Variants in RAD54B observed in about 807,000 individuals in gnomAD.
RAD54B encodes DNA repair and recombination protein RAD54B.
In RAD54B, 78 loss-of-function variants were observed where a neutral mutation model predicts 95.8. The ratio of observed to expected loss-of-function variants is 0.81; its 90% confidence interval spans 0.68 to 0.98. The LOEUF (loss-of-function observed/expected upper bound fraction) is 0.98. RAD54B is among the 50% of genes least tolerant of loss of function. The pLI is 0.00. For synonymous variants in RAD54B, 328 were observed against 354.9 expected, an observed-to-expected ratio of 0.92 and a Z score of 0.85; for missense variants, 957 against 1,056.6, an observed-to-expected ratio of 0.91 and a Z score of 1.31.
At chr8:94,451,878 T>C (rs2130162759) in intron 3 of RAD54B, among the ~76,000 whole-genome samples, 1 of 152,304 alleles carries the variant, frequency 6.6e-6, no homozygotes, top group Admixed American at 6.5e-5. Flanking sequence ...AAAAAAAGTT[T>C]ATTCATTTTT....
chr8:94,470,881 A>G (rs1219486048), intron 1 of RAD54B, among the ~76,000 whole-genome samples: 1 of 151,806 alleles, frequency 6.6e-6, no homozygotes, highest in East Asian at 1.9e-4. Context: ...ACAACAGAAC[A>G]CTCTCTTCAT....
chr8:94,442,386 C>T (rs1406476514), intron 3 of RAD54B, among the ~76,000 whole-genome samples: 1 of 152,054 alleles, frequency 6.6e-6, no homozygotes, highest in African/African-American at 2.4e-5. Flanking sequence ...TCCTGGCTAA[C>T]ATGGTGAAAC....
intron 1 of RAD54B, among the ~76,000 whole-genome samples, chr8:94,474,731 G>A (rs945526965): frequency 2.0e-5 from 3 of 152,074 alleles, no homozygotes; most frequent in African/African-American, 7.2e-5. Flanking sequence ...GCGGCCCCAG[G>A]GGCCACTGCC....
At chr8:94,408,034 T>G (rs1811438122) in intron 4 of RAD54B, among the ~76,000 whole-genome samples, 1 of 152,210 alleles carries the variant, frequency 6.6e-6, no homozygotes, top group African/African-American at 2.4e-5. Flanking sequence ...ATAGGCTATA[T>G]GTATCCTCCT....
At chr8:94,423,507 C>G (rs535525394) in intron 3 of RAD54B, among the ~76,000 whole-genome samples, 1 of 152,292 alleles carries the variant, frequency 6.6e-6, no homozygotes, top group South Asian at 2.1e-4. Flanking sequence ...CTTTTATGAA[C>G]ATGTTCTTTC....
chr8:94,378,332 A>G lies in RAD54B; in HGVS notation c.2363T>C (p.Leu788Pro), dbSNP rs759719271. ...GGTGAGGTCGACAACTGCCCCACAA[A>G]GACCTTGCTTACTGATCTGCCTTTG... ...IYQRQISKQGLCGAVVDLTKT... is the reference protein window; with the variant it reads ...IYQRQISKQGPCGAVVDLTKT... The change falls in exon 14 of 15, where the codon CTT becomes CCT. Residue 788 changes from leucine to proline, a missense_variant. Transcript: ENST00000336148. The G allele has an allele frequency of 5.0e-6, 8 of 1,614,044 alleles. No homozygotes were observed. Among genetic ancestry groups the G allele is most frequent in the Non-Finnish European group, 6.8e-6 (8 of 1,179,966 alleles).
intron 14 of RAD54B, among the ~76,000 whole-genome samples, chr8:94,377,535 C>T (rs933000492): frequency 2.8e-5 from 3 of 108,190 alleles, no homozygotes; most frequent in African/African-American, 1.2e-4. Context: ...CAGAGCCAGA[C>T]CCTGTCTTGG....
chr8:94,464,748 TA>T (rs1812984032), intron 2 of RAD54B, among the ~76,000 whole-genome samples: 1 of 152,144 alleles, frequency 6.6e-6, no homozygotes, highest in Non-Finnish European at 1.5e-5. Context: ...ACAGGTAATT[TA>T]TAAAGAAAAG....
At chr8:94,449,641 A>G (rs1256099499) in intron 3 of RAD54B, among the ~76,000 whole-genome samples, 1 of 151,776 alleles carries the variant, frequency 6.6e-6, no homozygotes, top group East Asian at 1.9e-4. Context: ...GAAATGGTCT[A>G]TACTCTGGAG....
At chr8:94,411,430 T>A in intron 3 of RAD54B, 115 bp from the exon 4 acceptor site, 1 of 776,982 alleles carries the variant, frequency 1.3e-6, no homozygotes, top group Non-Finnish European at 1.9e-6. Flanking sequence ...AGAAATAGTA[T>A]GAAAGAATAT....
At chr8:94,415,136 C>T (rs1811628481) in intron 3 of RAD54B, among the ~76,000 whole-genome samples, 1 of 151,978 alleles carries the variant, frequency 6.6e-6, no homozygotes, top group Admixed American at 6.6e-5. Context: ...GCTACAGTAA[C>T]CGAAACAGCA....
intron 2 of RAD54B, among the ~76,000 whole-genome samples, chr8:94,460,049 T>C (rs1340579542): frequency 6.6e-6 from 1 of 151,700 alleles, no homozygotes; most frequent in Non-Finnish European, 1.5e-5. Context: ...TCCCTGCTAC[T>C]CTAGAGGCTG....
At chr8:94,403,264 GT>G (rs1284848828) in intron 6 of RAD54B, among the ~76,000 whole-genome samples, 1 of 152,094 alleles carries the variant, frequency 6.6e-6, no homozygotes, top group African/African-American at 2.4e-5. Context: ...TTTTTCTCCT[GT>G]TTTTTTGTGT....
intron 3 of RAD54B, among the ~76,000 whole-genome samples, chr8:94,419,322 A>G (rs1357487434): frequency 1.3e-5 from 2 of 152,142 alleles, no homozygotes. Context: ...AGCCTGACCA[A>G]CATGGTGAAA....
chr8:94,412,181 A>C (rs939917252), intron 3 of RAD54B, among the ~76,000 whole-genome samples: 2 of 152,190 alleles, frequency 1.3e-5, no homozygotes, highest in African/African-American at 2.4e-5. Context: ...GGGTTTACCC[A>C]TGTTGTCACA....
At chr8:94,436,873 C>T (rs1190726864) in intron 3 of RAD54B, 17 of 1,505,814 alleles carry the variant, frequency 1.1e-5, no homozygotes, top group Non-Finnish European at 1.4e-5. Context: ...TACCATTGTT[C>T]TTTTCAAATT....
chr8:94,431,667 A>G (rs1484551190), intron 3 of RAD54B: 17 of 976,466 alleles, frequency 1.7e-5, no homozygotes, highest in Non-Finnish European at 2.1e-5. Flanking sequence ...CTAAAATCCT[A>G]GGATTTACTC....
chr8:94,445,994 A>G (rs79560022), intron 3 of RAD54B, among the ~76,000 whole-genome samples: 3,902 of 152,302 alleles, frequency 0.026, 179 homozygotes, highest in African/African-American at 0.088. Context: ...TGGTAGGTTT[A>G]TGGGTGTTCA....
intron 1 of RAD54B, among the ~76,000 whole-genome samples, chr8:94,471,495 T>G (rs10956914): frequency 0.31 from 47,305 of 151,958 alleles, 7,837 homozygotes; most frequent in East Asian, 0.43. Flanking sequence ...GATTGTAGTA[T>G]GGTTACAGGA....
Sources: allele counts gnomAD v4.1 joint callset (sites outside exome capture counted in the v4.1 genomes callset), GRCh38; gene constraint gnomAD v4.1.1; transcripts MANE v1.5; gene names NCBI Gene and HGNC (gene_info 2026-07-23, HGNC 2026-07-21).